The following PFKFB4 variants were observed in gnomAD, a reference collection of about 807,000 sequenced individuals.
The protein encoded by PFKFB4 is 6-phosphofructo-2-kinase/fructose-2,6-biphosphatase 4.
A neutral mutation model predicts 62.8 loss-of-function variants in PFKFB4; 42 were observed. The observed-to-expected ratio is 0.67, with a 90% CI of 0.52 to 0.86. The LOEUF is 0.86. Among genes scored for constraint, PFKFB4 ranks in the 40% least tolerant of loss-of-function variants. The pLI, the probability that PFKFB4 is intolerant of heterozygous loss-of-function variation, is 0.00. For missense variants in PFKFB4, 475 were observed against 627.2 expected (o/e 0.76, Z 2.59); for synonymous variants, 204 against 240.7 (o/e 0.85, Z 1.41).
intron 10 of PFKFB4, among the ~76,000 whole-genome samples, chr3:48,524,287 C>T (rs990562819): frequency 6.6e-6 from 1 of 152,236 alleles, no homozygotes; most frequent in Non-Finnish European, 1.5e-5. Context: ...TATCCTCAGT[C>T]TACCTGCCCA....
chr3:48,524,526 C>T (rs1045303652), intron 10 of PFKFB4, among the ~76,000 whole-genome samples: 7 of 152,186 alleles, frequency 4.6e-5, no homozygotes, highest in African/African-American at 9.7e-5. Flanking sequence ...AATCCTAGAC[C>T]GGTTCTTTTG....
chr3:48,561,055 G>T, upstream of PFKFB4: 1 of 1,276,410 alleles, frequency 7.8e-7, no homozygotes, highest in Non-Finnish European at 1.0e-6. The surrounding 1 kb of genome is among the most constrained non-coding windows in gnomAD (Gnocchi z 5.2). Context: ...TGCCTACCCC[G>T]CCTGCTGCTC....
In PFKFB4 at chr3:48,556,380, G is replaced by A; in HGVS notation, c.97+301C>T. ...CCCAGACTGGGGGCGATGGGGATTGGAGAGGGAAGCGAGGGGGCCAGAGCC... is the reference window on the plus strand; with the variant it reads ...CCCAGACTGGGGGCGATGGGGATTGAAGAGGGAAGCGAGGGGGCCAGAGCC... On this transcript the variant is annotated intron_variant, in intron 1 of 13. Coordinates refer to ENST00000232375, the MANE Select transcript of PFKFB4 (RefSeq NM_004567.4). This position sits in a 1 kb window ranked among gnomAD's most constrained non-coding sequence, Gnocchi z 5.7. The A allele has an allele frequency of 1.8e-6, 1 of 558,866 alleles. No homozygotes were observed. The highest frequency in any genetic ancestry group is 3.3e-6 in the Non-Finnish European group (1 of 306,904). 34.6% of individuals were successfully genotyped at this position (558,866 alleles called of 1,614,324 possible).
At chr3:48,542,473 G>A (rs1002178937) in intron 4 of PFKFB4, among the ~76,000 whole-genome samples, 6 of 152,066 alleles carry the variant, frequency 3.9e-5, no homozygotes, top group African/African-American at 1.4e-4. Context: ...TGAGTTGCCA[G>A]AAAGGGGCAG....
chr3:48,553,338 G>A (rs2043213698), intron 1 of PFKFB4, among the ~76,000 whole-genome samples: 1 of 152,166 alleles, frequency 6.6e-6, no homozygotes, highest in Non-Finnish European at 1.5e-5. Flanking sequence ...GCCGGGTGTG[G>A]TGGTGCACAC....
At chr3:48,532,443 A>G (rs2042458879) in intron 9 of PFKFB4, among the ~76,000 whole-genome samples, 1 of 152,264 alleles carries the variant, frequency 6.6e-6, no homozygotes, top group South Asian at 2.1e-4. Context: ...CCATGTTCAC[A>G]GCTGCATTAT....
Position 48,527,722 on chromosome 3 carries a change from C to G in PFKFB4, c.988-2053G>C, listed in dbSNP as rs574108050. On this transcript the variant is annotated intron_variant, in intron 9 of 13. Coordinates refer to ENST00000232375, the MANE Select transcript of PFKFB4 (RefSeq NM_004567.4). ...TTTTTTTTTGAGACAGGGTCTCACTCTGTTGCCCAGGCTGGAGTGCAGTGG... is the reference window on the plus strand; with the variant it reads ...TTTTTTTTTGAGACAGGGTCTCACTGTGTTGCCCAGGCTGGAGTGCAGTGG... 1.5e-4 allele frequency among the ~76,000 whole-genome samples: 22 copies of G among 142,720 alleles called. 1 individual carries two copies. The South Asian group carries it at 3.1e-3, about 20-fold the overall frequency. The allele number at this position is 142,720 out of a possible 152,430, so 93.6% of individuals were successfully genotyped here.
chr3:48,523,640 C>T, intron 11 of PFKFB4, 41 bp from the exon 12 acceptor site: 1 of 1,614,080 alleles, frequency 6.2e-7, no homozygotes, highest in Non-Finnish European at 8.5e-7. Flanking sequence ...CCAGAAATGC[C>T]TGGTGACAGT....
At chr3:48,548,875 T>A (rs1420944769) in intron 3 of PFKFB4, among the ~76,000 whole-genome samples, 1 of 152,138 alleles carries the variant, frequency 6.6e-6, no homozygotes, top group Non-Finnish European at 1.5e-5. Flanking sequence ...AAAGGCAGTC[T>A]CCAGTCTGAA....
chr3:48,536,104 T>C (rs1452835869), intron 8 of PFKFB4, 152 bp downstream of exon 8: 3 of 661,134 alleles, frequency 4.5e-6, no homozygotes, highest in Admixed American at 5.6e-5. Context: ...CCCTACATGA[T>C]GGGAAGATTC....
intron 9 of PFKFB4, among the ~76,000 whole-genome samples, chr3:48,529,986 C>T (rs985465740): frequency 6.6e-6 from 1 of 151,936 alleles, no homozygotes; most frequent in Admixed American, 6.6e-5. Flanking sequence ...GGCATAGTGG[C>T]TCATACCTGT....
rs2042952931 is a variant in PFKFB4, at chr3:48,546,021, G to A, written c.312-2375C>T. Among the ~76,000 whole-genome samples, 4 of 151,482 alleles carry A rather than the reference G, an allele frequency of 2.6e-5. No homozygotes were observed. In the South Asian group the frequency reaches 8.3e-4, roughly 31 times the overall value. On this transcript the variant is annotated intron_variant, in intron 3 of 13. Coordinates refer to ENST00000232375, the MANE Select transcript of PFKFB4 (RefSeq NM_004567.4). ...AGCCTGGGAGCCTGTGTGTGTGCGT[G>A]TGTGTGTGTGTGTATAAGAGAGTGC...
intron 3 of PFKFB4, chr3:48,547,809 G>C (rs1407686363): frequency 6.6e-6 from 1 of 152,218 alleles, no homozygotes; most frequent in Non-Finnish European, 1.5e-5. Context: ...GCTGTGTCCA[G>C]TGTCAGAGAT....
Position 48,523,911 on chromosome 3 carries a change from C to T in PFKFB4, c.1093-81G>A, listed in dbSNP as rs189100562. On this transcript the variant is annotated intron_variant, in intron 10 of 13. Coordinates refer to ENST00000232375, the MANE Select transcript of PFKFB4 (RefSeq NM_004567.4). ...CACATCCTGGACACTGGGCCACCTT[C>T]CACTCCTGCAGCTACTCACCATTCT... 2.8e-6 allele frequency: 4 copies of T among 1,432,180 alleles called. No homozygotes were observed. In the African/African-American group the frequency reaches 4.2e-5, roughly 15 times the overall value. The allele number at this position is 1,432,180 out of a possible 1,614,324, so 88.7% of individuals were successfully genotyped here.
chr3:48,556,833 T>G (rs2043340956), upstream of PFKFB4: 5 of 1,533,228 alleles, frequency 3.3e-6, no homozygotes, highest in Middle Eastern at 1.8e-4. The surrounding 1 kb of genome is among the most constrained non-coding windows in gnomAD (Gnocchi z 5.7). Flanking sequence ...CCGGGCCACC[T>G]CGGGCCACCC....
intron 1 of PFKFB4, among the ~76,000 whole-genome samples, chr3:48,555,730 T>C (rs1368599386): frequency 6.7e-6 from 1 of 149,394 alleles, no homozygotes; most frequent in African/African-American, 2.5e-5. Flanking sequence ...ACCCTGTCTC[T>C]ACAAAAAAAA....
Position 48,556,183 on chromosome 3 carries a change from G to A in PFKFB4, c.97+498C>T. On this transcript the variant is annotated intron_variant, in intron 1 of 13. Coordinates refer to ENST00000232375, the MANE Select transcript of PFKFB4 (RefSeq NM_004567.4). The surrounding 1 kb of genome is among the most constrained non-coding windows in gnomAD (Gnocchi z 5.7). The stretch of plus-strand genomic sequence containing the variant: ...GTTCCTGCCCAAGCTCAGCTTTAAG[G>A]CCAAGAGGCACCCTTCCTCCTGTTG... 1 of 458,280 alleles carries A rather than the reference G, an allele frequency of 2.2e-6. No individual in the cohort carries two copies. Among genetic ancestry groups the A allele is most frequent in the Non-Finnish European group, 4.4e-6 (1 of 228,128 alleles). The allele number at this position is 458,280 out of a possible 1,614,324, so 28.4% of individuals were successfully genotyped here.
chr3:48,518,503 AGTCT>A lies in PFKFB4; in HGVS notation c.*1240_*1243del, dbSNP rs910772792. 3.9e-5 allele frequency: 6 copies of A among 152,324 alleles called. No homozygotes were observed. Among genetic ancestry groups the A allele is most frequent in the African/African-American group, 1.2e-4 (5 of 41,474 alleles). 9.4% of individuals were successfully genotyped at this position (152,324 alleles called of 1,614,324 possible). The stretch of plus-strand genomic sequence containing the variant: ...GACCCAGCCCCACAACTTGCCAGCC[AGTCT>A]GTTTGCCAGCTGTAAACAGACTGCC... On this transcript the variant is annotated 3_prime_UTR_variant, in exon 14 of 14. Transcript: ENST00000232375.
upstream of PFKFB4, chr3:48,562,821 T>C (rs1302824971): frequency 5.7e-6 from 9 of 1,571,838 alleles, no homozygotes; most frequent in Non-Finnish European, 7.8e-6. This position sits in a 1 kb window ranked among gnomAD's most constrained non-coding sequence, Gnocchi z 4.3. Flanking sequence ...ATGCGGGCGT[T>C]GGTGGTGGCC....
Sources: gnomAD v4.1 joint callset for allele counts (sites outside exome capture counted in the v4.1 genomes callset) on GRCh38, gnomAD v4.1.1 for gene constraint, Gnocchi (gnomAD v3.1) non-coding constraint, MANE v1.5 for transcripts, NCBI Gene and HGNC (gene_info 2026-07-23, HGNC 2026-07-21) for gene names.